BRAF: variants seen among roughly 807,000 people sequenced by gnomAD.
BRAF encodes the protein serine/threonine-protein kinase B-raf.
Under a neutral mutation model 104.6 loss-of-function variants are expected in BRAF, and 16 were observed. The ratio of observed to expected loss-of-function variants is 0.15; its 90% confidence interval spans 0.10 to 0.23. The LOEUF (loss-of-function observed/expected upper bound fraction) is 0.23, where lower values mean the gene tolerates loss of function less well. BRAF is among the 10% of genes least tolerant of loss of function. The probability of loss-of-function intolerance (pLI) is 1.00; values close to 1 mark genes in which losing one functional copy is unlikely to be tolerated. For synonymous variants in BRAF, 310 were observed against 341.6 expected (o/e 0.91, Z 1.02); for missense variants, 541 against 937.3 (o/e 0.58, Z 5.52).
intron 19 of BRAF, among the ~76,000 whole-genome samples, chr7:140,730,036 G>C (rs28456012): frequency 0.029 from 4,339 of 152,128 alleles, 213 homozygotes; most frequent in African/African-American, 0.097. Context: ...CATAGTTCAG[G>C]AATCAATAAA....
At chr7:140,914,952 A>C in intron 1 of BRAF, among the ~76,000 whole-genome samples, 1 of 93,672 alleles carries the variant, frequency 1.1e-5, no homozygotes, top group African/African-American at 4.3e-5. Context: ...AGGCAGGAGA[A>C]TCACTTGAAC....
intron 3 of BRAF, among the ~76,000 whole-genome samples, chr7:140,825,528 A>C (rs1458995825): frequency 6.6e-6 from 1 of 152,236 alleles, no homozygotes; most frequent in African/African-American, 2.4e-5. Flanking sequence ...TTTCTTCTGC[A>C]AATTTTAGGT....
At chr7:140,750,653 T>C (rs940432384) in intron 16 of BRAF, among the ~76,000 whole-genome samples, 1 of 152,156 alleles carries the variant, frequency 6.6e-6, no homozygotes, top group African/African-American at 2.4e-5. Context: ...TTGCTTTTAG[T>C]AATACAGTAC....
Position 140,885,154 on chromosome 7 carries a change from G to C in BRAF, c.139-34942C>G, listed in dbSNP as rs1404281591. The stretch of plus-strand genomic sequence containing the variant: ...GATTACAGGGACGGATTACAGGCAT[G>C]TGCTACCACACCCAGCTACCATATT... On this transcript the variant is annotated intron_variant, in intron 1 of 19. Transcript: ENST00000644969. Among the ~76,000 whole-genome samples the C allele has an allele frequency of 2.6e-5, 4 of 152,008 alleles. No homozygotes were observed. In the East Asian group the frequency reaches 7.7e-4, roughly 29 times the overall value.
chr7:140,816,764 T>C lies in BRAF; in HGVS notation c.505-7769A>G, dbSNP rs186976161. ...AATAGATATGCTCTTCTCACAGAAC[T>C]AAAAACAACTCAAAGATGTTAAAAT... is the stretch of plus-strand genomic sequence containing the variant. On this transcript the variant is annotated intron_variant, in intron 3 of 19. Transcript: ENST00000644969. Among the ~76,000 whole-genome samples the C allele has an allele frequency of 1.1e-4, 16 of 152,302 alleles. No homozygotes were observed. In the South Asian group the frequency reaches 1.4e-3, roughly 14 times the overall value.
At chr7:140,842,241 A>G (rs1808043002) in intron 2 of BRAF, among the ~76,000 whole-genome samples, 1 of 152,206 alleles carries the variant, frequency 6.6e-6, no homozygotes, top group Non-Finnish European at 1.5e-5. Context: ...CTTGGCTACC[A>G]ATTACAAGTT....
At chr7:140,744,195 TC>T (rs1472175408) in intron 17 of BRAF, among the ~76,000 whole-genome samples, 1 of 152,240 alleles carries the variant, frequency 6.6e-6, no homozygotes, top group African/African-American at 2.4e-5. Flanking sequence ...CAGCTTGACC[TC>T]TGCAGGAGCT....
intron 1 of BRAF, among the ~76,000 whole-genome samples, chr7:140,865,546 A>C (rs1055260032): frequency 6.6e-6 from 1 of 152,212 alleles, no homozygotes; most frequent in Admixed American, 6.5e-5. Context: ...AGAGAGAAAA[A>C]TTAGAGAGCC....
In BRAF at chr7:140,853,262, T is replaced by C. The variant is rs1241023297; in HGVS notation, c.139-3050A>G. Among the ~76,000 whole-genome samples the C allele has an allele frequency of 4.6e-5, 7 of 150,570 alleles. No homozygotes were observed. In the East Asian group the frequency reaches 1.4e-3, roughly 29 times the overall value. On this transcript the variant is annotated intron_variant, in intron 1 of 19. Transcript: ENST00000644969. ...ATAGCCAGACGTGGTGGTGTGTGCCTGTGGTCCCAGAGGCTGAGGTGGGAG... is the reference window on the plus strand; with the variant it reads ...ATAGCCAGACGTGGTGGTGTGTGCCCGTGGTCCCAGAGGCTGAGGTGGGAG...
At chr7:140,765,363 C>T (rs1280943185) in intron 14 of BRAF, among the ~76,000 whole-genome samples, 2 of 151,862 alleles carry the variant, frequency 1.3e-5, no homozygotes, top group Non-Finnish European at 2.9e-5. Flanking sequence ...AAAACCTAGG[C>T]ATTACCATTC....
At chr7:140,849,701 G>A (rs1018421550) in intron 2 of BRAF, among the ~76,000 whole-genome samples, 4 of 151,852 alleles carry the variant, frequency 2.6e-5, no homozygotes, top group African/African-American at 7.3e-5. Context: ...AGTCCCAGCT[G>A]CTCAGGAGGC....
chr7:140,835,784 T>C (rs542424771), intron 2 of BRAF: 1 of 152,326 alleles, frequency 6.6e-6, no homozygotes, highest in African/African-American at 2.4e-5. Flanking sequence ...CTTTTTGGCA[T>C]TGGTAATCCC....
intron 1 of BRAF, among the ~76,000 whole-genome samples, chr7:140,914,562 T>C (rs934087829): frequency 5.9e-5 from 9 of 152,136 alleles, no homozygotes; most frequent in Non-Finnish European, 1.2e-4. Context: ...TATTAATGTG[T>C]GTAAAACAAA....
At position 140,760,876 on chromosome 7, in the gene BRAF, A is replaced by C. The variant is rs540079169; in HGVS notation, c.1815-6643T>G. ...AAGAAACGAACAAAGCCTCCAAGAA[A>C]TATGGGACTATGTGAAAAGACCAAA... On this transcript the variant is annotated intron_variant, in intron 14 of 19. Coordinates refer to ENST00000644969, the MANE Select transcript of BRAF (RefSeq NM_001374258.1). 2.0e-5 allele frequency among the ~76,000 whole-genome samples: 3 copies of C among 152,316 alleles called. No individual in the cohort carries two copies. The South Asian group carries it at 6.2e-4, about 32-fold the overall frequency.
intron 14 of BRAF, among the ~76,000 whole-genome samples, chr7:140,766,390 G>A (rs1799322158): frequency 6.6e-6 from 1 of 151,900 alleles, no homozygotes; most frequent in South Asian, 2.1e-4. Context: ...GTATACATAT[G>A]TTACTAACCT....
intron 8 of BRAF, among the ~76,000 whole-genome samples, chr7:140,789,181 C>A (rs1478774765): frequency 1.3e-5 from 2 of 151,694 alleles, no homozygotes; most frequent in African/African-American, 4.8e-5. Context: ...TGCACTCCAG[C>A]CTGGGTGACA....
intron 1 of BRAF, among the ~76,000 whole-genome samples, chr7:140,914,623 T>C (rs1047585616): frequency 6.6e-6 from 1 of 152,014 alleles, no homozygotes; most frequent in African/African-American, 2.4e-5. Flanking sequence ...TATCTTTTTA[T>C]GGTAAAAAAA....
At chr7:140,837,257 C>T (rs907395115) in intron 2 of BRAF, among the ~76,000 whole-genome samples, 2 of 152,120 alleles carry the variant, frequency 1.3e-5, no homozygotes, top group Non-Finnish European at 2.9e-5. Context: ...CTTTAAGACC[C>T]GGAGAAGCAT....
intron 1 of BRAF, among the ~76,000 whole-genome samples, chr7:140,871,175 G>C (rs1002289802): frequency 1.4e-5 from 2 of 144,108 alleles, no homozygotes; most frequent in Admixed American, 1.4e-4. Flanking sequence ...CCGGGAGGCG[G>C]AGCTTGCAGT....
Sources: allele counts gnomAD v4.1 joint callset (sites outside exome capture counted in the v4.1 genomes callset), GRCh38; gene constraint gnomAD v4.1.1; transcripts MANE v1.5; gene names NCBI Gene and HGNC (gene_info 2026-07-23, HGNC 2026-07-21).